Variants in ARHGAP28 observed in about 807,000 individuals in gnomAD.
ARHGAP28 encodes the protein rho GTPase-activating protein 28.
ARHGAP28 carries 56 observed loss-of-function variants against 90.7 expected under a neutral mutation model. The ratio of observed to expected loss-of-function variants is 0.62; its 90% CI spans 0.50 to 0.77. The LOEUF (loss-of-function observed/expected upper bound fraction) is 0.77. ARHGAP28 is among the 30% of genes least tolerant of loss of function. The pLI is 0.00. For missense variants in ARHGAP28, 869 were observed against 900.9 expected, an observed-to-expected ratio of 0.96 and a Z score of 0.45; for synonymous variants, 308 against 323.3, an observed-to-expected ratio of 0.95 and a Z score of 0.51.
chr18:6,771,518 T>C (rs899287304), intron 1 of ARHGAP28, among the ~76,000 whole-genome samples: 2 of 152,234 alleles, frequency 1.3e-5, no homozygotes, highest in African/African-American at 4.8e-5. Context: ...GAGGGAATTA[T>C]GTTCCACATG....
intron 3 of ARHGAP28, among the ~76,000 whole-genome samples, chr18:6,845,213 G>A (rs1321975897): frequency 1.3e-5 from 2 of 152,014 alleles, no homozygotes; most frequent in Non-Finnish European, 2.9e-5. Context: ...CTGGTAGCTG[G>A]GACTACAACT....
intron 17 of ARHGAP28, among the ~76,000 whole-genome samples, chr18:6,909,301 T>TTTTCTTTTCTTTTCTTTTCTTTTCTTTTC (rs56989288): frequency 0.02 from 636 of 31,412 alleles, 36 homozygotes; most frequent in Non-Finnish European, 0.022. Flanking sequence ...TTTTCTTTTC[T>TTTTCTTTTCTTTTCTTTTCTTTTCTTTTC]TTTTTTTTTG....
chr18:6,759,209 G>C (rs1164254259), intron 1 of ARHGAP28, among the ~76,000 whole-genome samples: 2 of 152,146 alleles, frequency 1.3e-5, no homozygotes, highest in African/African-American at 4.8e-5. Context: ...TTTAGACACA[G>C]TTACTCAAAT....
chr18:6,756,428 A>G (rs1452911669), intron 1 of ARHGAP28, among the ~76,000 whole-genome samples: 1 of 152,244 alleles, frequency 6.6e-6, no homozygotes, highest in Non-Finnish European at 1.5e-5. Flanking sequence ...GAAGAATAAG[A>G]TACCACATAG....
At chr18:6,734,020 A>G (rs910284682) in intron 1 of ARHGAP28, among the ~76,000 whole-genome samples, 2 of 152,204 alleles carry the variant, frequency 1.3e-5, no homozygotes, top group African/African-American at 4.8e-5. Context: ...TCATGCAGCA[A>G]AGAGACTCAC....
chr18:6,888,686 C>G (rs753586378), intron 12 of ARHGAP28, among the ~76,000 whole-genome samples: 22 of 152,144 alleles, frequency 1.4e-4, no homozygotes, highest in Non-Finnish European at 2.9e-4. Context: ...GTCAAAATGT[C>G]ATCTACCCTT....
intron 16 of ARHGAP28, chr18:6,898,432 C>A (rs773156736): frequency 7.9e-6 from 12 of 1,520,080 alleles, no homozygotes; most frequent in Non-Finnish European, 1.0e-5. Context: ...CCACTTGCTC[C>A]AAGAATACTG....
intron 1 of ARHGAP28, among the ~76,000 whole-genome samples, chr18:6,820,622 A>G (rs901847418): frequency 9.2e-5 from 14 of 152,258 alleles, no homozygotes; most frequent in African/African-American, 3.4e-4. Context: ...AAAGATAAAG[A>G]TAAAATCTAT....
intron 2 of ARHGAP28, among the ~76,000 whole-genome samples, chr18:6,825,729 A>T (rs529370892): frequency 1.3e-5 from 2 of 152,190 alleles, no homozygotes; most frequent in South Asian, 4.2e-4. Context: ...TTCCTGTGTT[A>T]ATTTGTTTAG....
intron 10 of ARHGAP28, among the ~76,000 whole-genome samples, chr18:6,876,759 C>G (rs2057134161): frequency 6.6e-6 from 1 of 152,150 alleles, no homozygotes; most frequent in African/African-American, 2.4e-5. Flanking sequence ...TTCCAAAACC[C>G]AGTTCCACTT....
intron 1 of ARHGAP28, among the ~76,000 whole-genome samples, chr18:6,819,707 C>G (rs1342813812): frequency 6.6e-6 from 1 of 152,282 alleles, no homozygotes; most frequent in East Asian, 1.9e-4. Flanking sequence ...CACAGGGGAC[C>G]AGGCTGTAAA....
At chr18:6,825,006 C>T (rs748077007) in intron 2 of ARHGAP28, 42 bp downstream of exon 2, 1 of 1,472,908 alleles carries the variant, frequency 6.8e-7, no homozygotes, top group Middle Eastern at 2.1e-4. Flanking sequence ...GACTGGCTTT[C>T]TTTCTCTGCC....
Position 6,887,187 on chromosome 18 carries a change from C to T in ARHGAP28, c.1484C>T (p.Ala495Val). 1 of 1,614,162 alleles carries T rather than the reference C, an allele frequency of 6.2e-7. No individual in the cohort carries two copies. The highest frequency in any genetic ancestry group is 1.1e-5 in the South Asian group (1 of 91,078). ...CCTCACGTCAAAGTACAGTTTCAAG[C>T]CTTACACCTCATGGTCATGGCGCTG... ...RGPHVKVQFQ[A>V]LHLMVMALPD... Residue 495 changes from alanine (A) to valine (V), a missense_variant, in exon 12 of 18, where the codon GCC becomes GTC. Ala to Val is a moderately conservative substitution (Grantham distance 64, BLOSUM62 0). Transcript: ENST00000383472.
intron 1 of ARHGAP28, among the ~76,000 whole-genome samples, chr18:6,775,128 C>A (rs932690812): frequency 3.9e-5 from 6 of 152,208 alleles, no homozygotes; most frequent in African/African-American, 1.4e-4. Flanking sequence ...ATACAGCTAC[C>A]TTGTCAATGA....
intron 1 of ARHGAP28, among the ~76,000 whole-genome samples, chr18:6,804,570 A>G (rs78410403): frequency 0.04 from 6,164 of 152,268 alleles, 414 homozygotes; most frequent in African/African-American, 0.14. Context: ...ATTTCCCTCC[A>G]ACCACTGCTT....
At chr18:6,867,267 A>G (rs552376124) in intron 5 of ARHGAP28, among the ~76,000 whole-genome samples, 4 of 152,334 alleles carry the variant, frequency 2.6e-5, no homozygotes, top group African/African-American at 7.2e-5. Context: ...AAGACCTTTC[A>G]TGAAGCAGGT....
intron 12 of ARHGAP28, among the ~76,000 whole-genome samples, chr18:6,888,161 T>A (rs1187392351): frequency 6.6e-6 from 1 of 152,214 alleles, no homozygotes; most frequent in Non-Finnish European, 1.5e-5. Flanking sequence ...AGTAGAACAT[T>A]TGATAGAATC....
intron 3 of ARHGAP28, among the ~76,000 whole-genome samples, chr18:6,841,202 TCCTCTC>T (rs148380273): frequency 0.068 from 3,192 of 46,728 alleles, 234 homozygotes; most frequent in East Asian, 0.23. Flanking sequence ...TCTCTCTCTC[TCCTCTC>T]CTCTCTCTCT....
At chr18:6,759,007 T>C (rs778325567) in intron 1 of ARHGAP28, among the ~76,000 whole-genome samples, 42 of 152,206 alleles carry the variant, frequency 2.8e-4, no homozygotes, top group Non-Finnish European at 5.0e-4. Context: ...TAAAATTAAA[T>C]TTGAATAAAA....
Sources: gnomAD v4.1 joint callset for allele counts (sites outside exome capture counted in the v4.1 genomes callset) on GRCh38, gnomAD v4.1.1 for gene constraint, MANE v1.5 for transcripts, NCBI Gene and HGNC (gene_info 2026-07-23, HGNC 2026-07-21) for gene names.